The following IFT80 variants were observed in gnomAD, a reference collection of about 807,000 sequenced individuals.
IFT80 encodes intraflagellar transport protein 80 homolog.
A neutral mutation model predicts 107.9 loss-of-function variants in IFT80; 79 were observed. That is an observed-to-expected ratio of 0.73 (90% CI 0.61 to 0.88). The LOEUF (loss-of-function observed/expected upper bound fraction) is 0.88. IFT80 is among the 40% of genes least tolerant of loss of function. The probability of loss-of-function intolerance (pLI) is 0.00; values close to 1 mark genes in which losing one functional copy is unlikely to be tolerated. For synonymous variants in IFT80, 299 were observed against 300.9 expected (o/e 0.99, Z 0.07); for missense variants, 797 against 914.2 (o/e 0.87, Z 1.65).
rs75440067 is a variant in IFT80, at chr3:160,312,355, C to T, written c.958-4574G>A. ...GAGAGAAAGGAGCTACCTCATAGACCCCCAGGCTCTGATTTCAAACAGACA... is the reference window on the plus strand; with the variant it reads ...GAGAGAAAGGAGCTACCTCATAGACTCCCAGGCTCTGATTTCAAACAGACA... On this transcript the variant is annotated intron_variant, in intron 9 of 19. Transcript: ENST00000326448. Among the ~76,000 whole-genome samples the T allele has an allele frequency of 6.7e-3, 1,015 of 150,850 alleles. 9 individuals carry two copies. Among genetic ancestry groups the T allele is most frequent in the African/African-American group, 0.023 (948 of 41,058 alleles).
intron 19 of IFT80, among the ~76,000 whole-genome samples, chr3:160,262,089 C>T (rs1712890931): frequency 6.6e-6 from 1 of 151,940 alleles, no homozygotes; most frequent in Non-Finnish European, 1.5e-5. Flanking sequence ...CTCCTCAACG[C>T]TTGTAAGTTT....
intron 11 of IFT80, 76 bp from the exon 12 acceptor site, chr3:160,301,122 T>C: frequency 2.3e-6 from 3 of 1,303,124 alleles, no homozygotes; most frequent in Non-Finnish European, 3.1e-6. Flanking sequence ...CAGAATAGTT[T>C]ATCCTTGGGA....
intron 5 of IFT80, among the ~76,000 whole-genome samples, chr3:160,367,369 A>T (rs1353099263): frequency 2.0e-5 from 3 of 152,128 alleles, no homozygotes; most frequent in Non-Finnish European, 4.4e-5. Flanking sequence ...ATTAAAATAC[A>T]AATGGTATAC....
chr3:160,271,765 T>C (rs555986440), intron 18 of IFT80, among the ~76,000 whole-genome samples: 1 of 152,226 alleles, frequency 6.6e-6, no homozygotes, highest in South Asian at 2.1e-4. Context: ...CTAATGTATT[T>C]AGCATCTAAC....
intron 2 of IFT80, chr3:160,383,566 A>C: frequency 2.5e-6 from 2 of 808,952 alleles, no homozygotes; most frequent in Non-Finnish European, 3.0e-6. Context: ...AAAATATTAG[A>C]AAAATTGGAC....
intron 8 of IFT80, among the ~76,000 whole-genome samples, chr3:160,323,871 T>C (rs1002122716): frequency 6.6e-6 from 1 of 151,760 alleles, no homozygotes; most frequent in African/African-American, 2.4e-5. Flanking sequence ...ACAAAACTGA[T>C]AGACCACTAG....
chr3:160,305,456 A>G (rs1716769292), intron 10 of IFT80, among the ~76,000 whole-genome samples: 1 of 152,172 alleles, frequency 6.6e-6, no homozygotes, highest in Non-Finnish European at 1.5e-5. Flanking sequence ...ATGCTTTTGT[A>G]CTTTAGAAAA....
At chr3:160,352,837 T>C (rs577112673) in intron 8 of IFT80, among the ~76,000 whole-genome samples, 4 of 152,326 alleles carry the variant, frequency 2.6e-5, no homozygotes, top group African/African-American at 7.2e-5. Context: ...ATTTATCTCC[T>C]GAACCTGTCT....
chr3:160,279,185 T>G lies in IFT80; in HGVS notation c.1836+8A>C. The G allele has an allele frequency of 1.9e-6, 3 of 1,608,926 alleles. No individual in the cohort carries two copies. Among genetic ancestry groups the G allele is most frequent in the Non-Finnish European group, 2.6e-6 (3 of 1,175,488 alleles). Reference sequence around the variant, plus strand: ...TATATACAACTATGAATCTAAAATGTAAATTACCTTAACAAAGCGACAAAG... The same window carrying G: ...TATATACAACTATGAATCTAAAATGGAAATTACCTTAACAAAGCGACAAAG... On this transcript the variant is annotated splice_region_variant and intron_variant, in intron 16 of 19. Transcript: ENST00000326448.
At chr3:160,316,815 G>A (rs1425063996) in intron 9 of IFT80, among the ~76,000 whole-genome samples, 1 of 152,102 alleles carries the variant, frequency 6.6e-6, no homozygotes, top group Non-Finnish European at 1.5e-5. Context: ...GCTGAACTTG[G>A]AGTTGGTAGA....
intron 8 of IFT80, among the ~76,000 whole-genome samples, chr3:160,343,182 A>G (rs1430632904): frequency 6.6e-6 from 1 of 152,238 alleles, no homozygotes; most frequent in East Asian, 1.9e-4. Flanking sequence ...GGGCACATTA[A>G]CTGATGTTTA....
In IFT80 at chr3:160,342,102, T is replaced by C. The variant is rs184204456; in HGVS notation, c.777+13911A>G. The stretch of plus-strand genomic sequence containing the variant: ...GAAACAATCAACACACTAATACTTA[T>C]AAGAGGAAGCAAGCAGGATGTCCGA... On this transcript the variant is annotated intron_variant, in intron 8 of 19. Transcript: ENST00000326448. 2.4e-3 allele frequency among the ~76,000 whole-genome samples: 358 copies of C among 152,206 alleles called. 4 individuals carry two copies. The highest frequency in any genetic ancestry group is 8.0e-3 in the African/African-American group (331 of 41,534).
At chr3:160,372,853 C>T (rs1295818717) in intron 5 of IFT80, among the ~76,000 whole-genome samples, 1 of 152,076 alleles carries the variant, frequency 6.6e-6, no homozygotes, top group Non-Finnish European at 1.5e-5. Context: ...ATGGTATAAT[C>T]TGTATTTTAC....
chr3:160,386,357 T>A (rs1712931453), intron 1 of IFT80, among the ~76,000 whole-genome samples: 1 of 152,180 alleles, frequency 6.6e-6, no homozygotes, highest in South Asian at 2.1e-4. Flanking sequence ...GCCTGAACGC[T>A]GCATTGAGGT....
intron 12 of IFT80, among the ~76,000 whole-genome samples, chr3:160,296,219 G>C (rs1441828589): frequency 1.3e-5 from 2 of 151,998 alleles, no homozygotes; most frequent in African/African-American, 4.8e-5. Flanking sequence ...AAACTGCCTG[G>C]AAGCCACTAA....
intron 6 of IFT80, 107 bp downstream of exon 6, chr3:160,365,936 C>G: frequency 8.7e-6 from 7 of 803,578 alleles, no homozygotes; most frequent in Non-Finnish European, 1.6e-5. Context: ...TACTTAAAGA[C>G]CAGACTGTAA....
rs1716382334 is a variant in IFT80, at chr3:160,300,997, C to T, written c.1201G>A (p.Gly401Arg). 6.2e-7 allele frequency: 1 copy of T among 1,601,754 alleles called. No homozygotes were observed. Among genetic ancestry groups the T allele is most frequent in the Non-Finnish European group, 8.5e-7 (1 of 1,171,170 alleles). ...AATTTTGGAGATGAAATAAAGCGCC[C>T]TTCATATGAATATAAATAGATACTA... is the stretch of plus-strand genomic sequence containing the variant. Reference protein sequence around the residue: ...GSSIYLYSYEGRFISSPKFPG... With the variant: ...GSSIYLYSYERRFISSPKFPG... The change falls in exon 12 of 20, where the codon GGG becomes AGG. Residue 401 changes from glycine (G) to arginine (R), a missense_variant. Coordinates refer to ENST00000326448, the MANE Select transcript of IFT80 (RefSeq NM_020800.3).
intron 5 of IFT80, chr3:160,373,576 T>C (rs1354450498): frequency 6.4e-6 from 1 of 155,748 alleles, no homozygotes; most frequent in African/African-American, 2.4e-5. Flanking sequence ...ATTTCTATTA[T>C]TACATTGTAA....
intron 8 of IFT80, among the ~76,000 whole-genome samples, chr3:160,331,615 T>G (rs1719092187): frequency 6.6e-6 from 1 of 152,140 alleles, no homozygotes; most frequent in Non-Finnish European, 1.5e-5. Context: ...ATAACCACTA[T>G]GTTTGATGGG....
Sources: gnomAD v4.1 joint callset for allele counts (sites outside exome capture counted in the v4.1 genomes callset) on GRCh38, gnomAD v4.1.1 for gene constraint, MANE v1.5 for transcripts, NCBI Gene and HGNC (gene_info 2026-07-23, HGNC 2026-07-21) for gene names.